The following PHF19 variants were observed in gnomAD, a reference collection of about 807,000 sequenced individuals.
PHF19 encodes PHD finger protein 19, also known as polycomb like 3.
Under a neutral mutation model 79.8 loss-of-function variants are expected in PHF19, and 21 were observed. The observed-to-expected ratio is 0.26, with a 90% CI of 0.19 to 0.38. PHF19 has a LOEUF of 0.38. Among genes scored for constraint, PHF19 ranks in the 10% least tolerant of loss-of-function variants. The pLI is 1.00. For synonymous variants in PHF19, 273 were observed against 296.3 expected, an observed-to-expected ratio of 0.92 and a Z score of 0.81; for missense variants, 445 against 744.2, an observed-to-expected ratio of 0.60 and a Z score of 4.68.
chr9:120,870,153 T>TG lies in PHF19; in HGVS notation c.365-209_365-208insC, dbSNP rs150117275. ...ATGACAGCATTGGCCAGTTGTGGGG[T>TG]TGGGGGGGACACAGGAAGGTCTGAC... On this transcript the variant is annotated intron_variant, in intron 4 of 14. Coordinates refer to ENST00000373896, the MANE Select transcript of PHF19 (RefSeq NM_015651.3). This position sits in a 1 kb window ranked among gnomAD's most constrained non-coding sequence, Gnocchi z 4.4. Among the ~76,000 whole-genome samples the TG allele has an allele frequency of 0.051, 7,692 of 151,962 alleles. 277 individuals are homozygous for TG. The highest frequency in any genetic ancestry group is 0.074 in the Non-Finnish European group (5,060 of 67,936).
the PHF19 span, chr9:120,902,324 T>C: frequency 6.6e-6 from 1 of 152,284 alleles, no homozygotes; most frequent in East Asian, 1.9e-4. Context: ...AGTGAAACGG[T>C]GGCTTTGCCT....
chr9:120,893,262 C>A (rs773994026), intron 1 of PHF19, among the ~76,000 whole-genome samples: 7 of 152,210 alleles, frequency 4.6e-5, no homozygotes, highest in Non-Finnish European at 1.0e-4. Context: ...TAGAGTGTGA[C>A]AGAGAAACCA....
chr9:120,858,685 C>T (rs2045418668), intron 14 of PHF19, among the ~76,000 whole-genome samples: 1 of 152,136 alleles, frequency 6.6e-6, no homozygotes, highest in Non-Finnish European at 1.5e-5. Flanking sequence ...CCATGCAGTG[C>T]AGAGGCCCTG....
chr9:120,877,227 C>A (rs1049550524), upstream of PHF19: 1 of 150,114 alleles, frequency 6.7e-6, no homozygotes, highest in African/African-American at 5.5e-5. Flanking sequence ...TCGGCGGGGG[C>A]GGGGCGGGGC....
upstream of PHF19, among the ~76,000 whole-genome samples, chr9:120,880,351 C>T (rs559545458): frequency 6.6e-6 from 1 of 152,172 alleles, no homozygotes; most frequent in South Asian, 2.1e-4. Flanking sequence ...AAAAATTAGC[C>T]GGGCATGGTG....
intron 1 of PHF19, among the ~76,000 whole-genome samples, chr9:120,890,822 C>T (rs1286569379): frequency 6.6e-6 from 1 of 152,176 alleles, no homozygotes. Context: ...CCACACGACT[C>T]CTTGCTTTAA....
chr9:120,886,519 T>C (rs1172393310), intron 1 of PHF19, among the ~76,000 whole-genome samples: 1 of 152,196 alleles, frequency 6.6e-6, no homozygotes, highest in Non-Finnish European at 1.5e-5. Flanking sequence ...AAGAAAAACA[T>C]AGGCTCAAAC....
At position 120,858,140 on chromosome 9, in the gene PHF19, C is replaced by A; in HGVS notation, c.1547G>T (p.Gly516Val). 1 of 1,613,748 alleles carries A rather than the reference C, an allele frequency of 6.2e-7. No homozygotes were observed. The highest frequency in any genetic ancestry group is 8.5e-7 in the Non-Finnish European group (1 of 1,179,654). ...GCTCTCAAATGTGTGGCTGTCAATG[C>A]CTTCGTCTGGCCGCTCGGGGACTGA... ...GASVPERPDE[G>V]IDSHTFESIS... The change falls in exon 15 of 15, where the codon GGC becomes GTC. Residue 516 changes from glycine (G) to valine (V), a missense_variant. By Grantham distance (109) the Gly-to-Val change is moderately radical. Transcript: ENST00000373896.
At chr9:120,893,817 A>T (rs750706112) in intron 1 of PHF19, among the ~76,000 whole-genome samples, 23 of 152,370 alleles carry the variant, frequency 1.5e-4, no homozygotes, top group Non-Finnish European at 2.9e-4. Flanking sequence ...CTGCGATGGA[A>T]GGTGGTCTAT....
rs947789220 is a variant in PHF19, at chr9:120,866,745, A to T, written c.710+125T>A. 18 of 653,804 alleles carry T rather than the reference A, an allele frequency of 2.8e-5. No individual in the cohort carries two copies. The highest frequency in any genetic ancestry group is 4.0e-5 in the Non-Finnish European group (14 of 350,790). 40.5% of individuals were successfully genotyped at this position (653,804 alleles called of 1,614,324 possible). The stretch of plus-strand genomic sequence containing the variant: ...CTTGAGCTGCCTCCAGTAAACAGGT[A>T]GGCATACATTGTCACAGACCTCCTC... On this transcript the variant is annotated intron_variant, in intron 7 of 14. Coordinates refer to ENST00000373896, the MANE Select transcript of PHF19 (RefSeq NM_015651.3). This position sits in a 1 kb window ranked among gnomAD's most constrained non-coding sequence, Gnocchi z 5.2.
chr9:120,864,382 T>G (rs1338253132), intron 9 of PHF19, among the ~76,000 whole-genome samples: 3 of 152,138 alleles, frequency 2.0e-5, no homozygotes, highest in Non-Finnish European at 4.4e-5. Flanking sequence ...CCATGGAATC[T>G]ATCATGGAAT....
At chr9:120,890,478 C>T (rs1183841734) in intron 1 of PHF19, among the ~76,000 whole-genome samples, 1 of 152,042 alleles carries the variant, frequency 6.6e-6, no homozygotes, top group Non-Finnish European at 1.5e-5. Context: ...TGACGCCACT[C>T]GCCCTGGTGA....
the PHF19 span, chr9:120,903,855 C>G: frequency 6.6e-6 from 1 of 152,260 alleles, no homozygotes; most frequent in East Asian, 1.9e-4. Context: ...AGCATGCCAG[C>G]CTCTGATGCC....
chr9:120,887,621 A>C (rs200865833), intron 1 of PHF19, among the ~76,000 whole-genome samples: 8 of 113,588 alleles, frequency 7.0e-5, no homozygotes, highest in East Asian at 2.7e-4. Context: ...TTTATGAACA[A>C]ACACACACAC....
Position 120,870,622 on chromosome 9 carries a change from G to A in PHF19, c.269-84C>T, listed in dbSNP as rs1001465191. The A allele has an allele frequency of 1.3e-5, 11 of 834,676 alleles. No homozygotes were observed. The highest frequency in any genetic ancestry group is 4.9e-5 in the East Asian group (2 of 40,842). 51.7% of individuals were successfully genotyped at this position (834,676 alleles called of 1,614,324 possible). A position where few individuals can be genotyped will look rare whatever the true frequency, so the allele number is the denominator to read the frequency against. ...ACATTCCAGATGCCCAGCCTCTAATGTCTGCTAGGCCTAGCGCTGGGCCCC... is the reference window on the plus strand; with the variant it reads ...ACATTCCAGATGCCCAGCCTCTAATATCTGCTAGGCCTAGCGCTGGGCCCC... On this transcript the variant is annotated intron_variant, in intron 3 of 14. Transcript: ENST00000373896. This position sits in a 1 kb window ranked among gnomAD's most constrained non-coding sequence, Gnocchi z 4.4.
chr9:120,863,000 T>C lies in PHF19; in HGVS notation c.969-251A>G. On this transcript the variant is annotated intron_variant, in intron 10 of 14. Coordinates refer to ENST00000373896, the MANE Select transcript of PHF19 (RefSeq NM_015651.3). This position sits in a 1 kb window ranked among gnomAD's most constrained non-coding sequence, Gnocchi z 4.6. ...GTGGTTCTTGCTGCTCTTCTCCCTT[T>C]TGTTTGCCTCAACCAGCCCCAAGGC... 4.2e-6 allele frequency: 2 copies of C among 475,718 alleles called. No individual in the cohort carries two copies. The highest frequency in any genetic ancestry group is 7.6e-6 in the Non-Finnish European group (2 of 261,912). 29.5% of individuals were successfully genotyped at this position (475,718 alleles called of 1,614,324 possible).
At chr9:120,868,505 G>C (rs1327442746) in intron 6 of PHF19, 1 of 152,566 alleles carries the variant, frequency 6.6e-6, no homozygotes, top group African/African-American at 2.4e-5. Context: ...GGACGTGGAC[G>C]TCCTGGGAGG....
chr9:120,898,765 G>A (rs1196635419), upstream of PHF19, among the ~76,000 whole-genome samples: 1 of 152,098 alleles, frequency 6.6e-6, no homozygotes, highest in Non-Finnish European at 1.5e-5. Context: ...CTTGAAGACT[G>A]GGTGTTCTCT....
At chr9:120,885,515 T>C (rs900828397) in intron 1 of PHF19, among the ~76,000 whole-genome samples, 1 of 149,926 alleles carries the variant, frequency 6.7e-6, no homozygotes, top group African/African-American at 2.5e-5. Context: ...GAGGCGGAGG[T>C]TGCAGTGAGC....
Sources: allele counts gnomAD v4.1 joint callset (sites outside exome capture counted in the v4.1 genomes callset), GRCh38; gene constraint gnomAD v4.1.1; non-coding constraint Gnocchi (gnomAD v3.1); transcripts MANE v1.5; gene names NCBI Gene and HGNC (gene_info 2026-07-23, HGNC 2026-07-21).